NOX4: variants seen among roughly 807,000 people sequenced by gnomAD.
NOX4 encodes the protein NADPH oxidase 4, also known as kidney oxidase-1.
NOX4 carries 69 observed loss-of-function variants against 87.6 expected under a neutral mutation model. That is an observed-to-expected ratio of 0.79 (90% CI 0.65 to 0.96). NOX4 has a LOEUF of 0.96. Among genes scored for constraint, NOX4 ranks in the 40% least tolerant of loss-of-function variants. The probability of loss-of-function intolerance (pLI) is 0.00; values close to 1 mark genes in which losing one functional copy is unlikely to be tolerated. For missense variants in NOX4, 680 were observed against 681.5 expected, an observed-to-expected ratio of 1.00 and a Z score of 0.02; for synonymous variants, 275 against 238.2, an observed-to-expected ratio of 1.15 and a Z score of -1.42.
chr11:89,438,817 ATTATAT>A lies in NOX4; in HGVS notation c.475+1865_475+1870del, dbSNP rs1944271094. Among the ~76,000 whole-genome samples, 2 of 18,156 alleles carry A rather than the reference ATTATAT, an allele frequency of 1.1e-4. 1 individual carries two copies. Among genetic ancestry groups the A allele is most frequent in the Admixed American group, 2.7e-3 (2 of 748 alleles). 11.9% of individuals were successfully genotyped at this position (18,156 alleles called of 152,430 possible). A position where few individuals can be genotyped will look rare whatever the true frequency, so the allele number is the denominator to read the frequency against. ...GTATAATATATTATATATTATATAT[ATTATAT>A]AATATCTTATATATTATATATATTA... is the stretch of plus-strand genomic sequence containing the variant. On this transcript the variant is annotated intron_variant, in intron 6 of 17. Coordinates refer to ENST00000263317, the MANE Select transcript of NOX4 (RefSeq NM_016931.5).
chr11:89,548,011 C>G, the NOX4 span: 41 of 151,634 alleles, frequency 2.7e-4, no homozygotes, highest in Admixed American at 5.9e-4. Context: ...AAAAGAAAAA[C>G]CTTGGAAATT....
At chr11:89,415,695 C>T (rs1198183155) in intron 8 of NOX4, among the ~76,000 whole-genome samples, 1 of 152,034 alleles carries the variant, frequency 6.6e-6, no homozygotes, top group Admixed American at 6.6e-5. Context: ...ATGTTAAAAA[C>T]CCCTATCCTA....
chr11:89,525,352 T>C, the NOX4 span, among the ~76,000 whole-genome samples: 1 of 152,062 alleles, frequency 6.6e-6, no homozygotes, highest in Non-Finnish European at 1.5e-5. Context: ...GAATAAGAGT[T>C]CCAGTTGTTC....
chr11:89,477,310 A>G (rs1946206763), intron 2 of NOX4, among the ~76,000 whole-genome samples: 1 of 152,090 alleles, frequency 6.6e-6, no homozygotes, highest in African/African-American at 2.4e-5. Context: ...TGCGCAGTTC[A>G]CAATAAGGTT....
At chr11:89,451,220 A>G (rs1944945068) in intron 3 of NOX4, among the ~76,000 whole-genome samples, 1 of 152,158 alleles carries the variant, frequency 6.6e-6, no homozygotes, top group Non-Finnish European at 1.5e-5. Flanking sequence ...TAATAAAAAA[A>G]GACATGTTTC....
chr11:89,485,892 T>C (rs1342598489), intron 2 of NOX4, among the ~76,000 whole-genome samples: 2 of 151,916 alleles, frequency 1.3e-5, no homozygotes, highest in African/African-American at 4.8e-5. Flanking sequence ...CAATTAAACA[T>C]CTCCTAGGAA....
intron 11 of NOX4, among the ~76,000 whole-genome samples, chr11:89,374,108 G>C (rs1939659997): frequency 6.6e-6 from 1 of 151,922 alleles, no homozygotes; most frequent in Non-Finnish European, 1.5e-5. Flanking sequence ...AAAACATCCA[G>C]GTAGTCAAAA....
At chr11:89,338,707 GC>G (rs1358064496) in intron 15 of NOX4, among the ~76,000 whole-genome samples, 1 of 151,986 alleles carries the variant, frequency 6.6e-6, no homozygotes, top group Non-Finnish European at 1.5e-5. Context: ...CTGCCTCAGA[GC>G]CCTTGCCTAT....
intron 13 of NOX4, among the ~76,000 whole-genome samples, chr11:89,349,427 G>A (rs1946359672): frequency 6.6e-6 from 1 of 152,102 alleles, no homozygotes; most frequent in Non-Finnish European, 1.5e-5. Context: ...TCAAAACTTG[G>A]CTAGGAAAGA....
intron 3 of NOX4, among the ~76,000 whole-genome samples, chr11:89,451,276 G>T (rs1341536259): frequency 6.6e-6 from 1 of 152,164 alleles, no homozygotes; most frequent in Non-Finnish European, 1.5e-5. Context: ...GTTAAGCAGA[G>T]ATAAGTTGTT....
chr11:89,338,439 T>C (rs1205052929), intron 15 of NOX4, among the ~76,000 whole-genome samples: 1 of 152,144 alleles, frequency 6.6e-6, no homozygotes, highest in Non-Finnish European at 1.5e-5. Context: ...TGAATAATGC[T>C]TCTATGGGCA....
chr11:89,560,161 T>C, the NOX4 span, among the ~76,000 whole-genome samples: 1 of 151,998 alleles, frequency 6.6e-6, no homozygotes, highest in Non-Finnish European at 1.5e-5. Context: ...CACATGAAGA[T>C]AAAAACACAC....
At chr11:89,475,871 T>A (rs928546938) in intron 2 of NOX4, among the ~76,000 whole-genome samples, 3 of 152,104 alleles carry the variant, frequency 2.0e-5, no homozygotes, top group East Asian at 1.9e-4. Context: ...TTATCCAACC[T>A]CTGGTTCGCT....
the NOX4 span, among the ~76,000 whole-genome samples, chr11:89,519,449 G>A: frequency 1.3e-5 from 2 of 151,910 alleles, no homozygotes; most frequent in African/African-American, 2.4e-5. Flanking sequence ...TGAATAAAAA[G>A]TTTAAAAACA....
At position 89,340,135 on chromosome 11, in the gene NOX4, G is replaced by C; in HGVS notation, c.1374C>G (p.Tyr458Ter). ...DWKPYKLRRL[Y>*]FIWVCRDIQS... is the part of the protein sequence containing the mutation. ...GGATATCTCTGCATACCCAAATAAAGTATAGTCTTCTAAGCTTGTATGGTT... is the reference window on the plus strand; with the variant it reads ...GGATATCTCTGCATACCCAAATAAACTATAGTCTTCTAAGCTTGTATGGTT... Residue 458 changes from tyrosine (Y) to a stop codon, truncating the protein, a stop_gained, in exon 15 of 18, where the codon TAC becomes TAG. Coordinates refer to ENST00000263317, the MANE Select transcript of NOX4 (RefSeq NM_016931.5). LOFTEE classifies it high-confidence loss of function. The C allele has an allele frequency of 6.3e-7, 1 of 1,593,042 alleles. No individual in the cohort carries two copies. The highest frequency in any genetic ancestry group is 8.5e-7 in the Non-Finnish European group (1 of 1,172,876).
At chr11:89,557,014 A>G in the NOX4 span, 1 of 152,168 alleles carries the variant, frequency 6.6e-6, no homozygotes, top group Non-Finnish European at 1.5e-5. Flanking sequence ...GTAGCTCTCT[A>G]GAGTTCAAAT....
chr11:89,373,607 G>A lies in NOX4; in HGVS notation c.1075-115C>T, dbSNP rs1425606898. The A allele has an allele frequency of 4.8e-5, 33 of 689,992 alleles. No individual in the cohort carries two copies. The East Asian group carries it at 8.4e-4, about 18-fold the overall frequency. The allele number at this position is 689,992 out of a possible 1,614,324, so 42.7% of individuals were successfully genotyped here. A position where few individuals can be genotyped will look rare whatever the true frequency, so the allele number is the denominator to read the frequency against. On this transcript the variant is annotated intron_variant, in intron 11 of 17. Coordinates refer to ENST00000263317, the MANE Select transcript of NOX4 (RefSeq NM_016931.5). ...CCCCATATCAATAGATAACAGGAAG[G>A]AACAGACTAAAATCTATACAGATCC...
At chr11:89,535,229 AAT>A in the NOX4 span, among the ~76,000 whole-genome samples, 3 of 152,230 alleles carry the variant, frequency 2.0e-5, no homozygotes, top group Non-Finnish European at 2.9e-5. Context: ...ACTTTTTATG[AAT>A]ATGTGTTACA....
At chr11:89,475,085 TTG>T (rs1946109732) in intron 2 of NOX4, among the ~76,000 whole-genome samples, 1 of 151,910 alleles carries the variant, frequency 6.6e-6, no homozygotes, top group African/African-American at 2.4e-5. Context: ...CTTAAGGAGT[TTG>T]TGATAACAGA....
Sources: allele counts gnomAD v4.1 joint callset (sites outside exome capture counted in the v4.1 genomes callset), GRCh38; gene constraint gnomAD v4.1.1; transcripts MANE v1.5; gene names NCBI Gene and HGNC (gene_info 2026-07-23, HGNC 2026-07-21).